RBAK: variants seen among roughly 807,000 people sequenced by gnomAD.
The protein encoded by RBAK is RB associated KRAB zinc finger.
A neutral mutation model predicts 65.8 loss-of-function variants in RBAK; 39 were observed. The observed-to-expected ratio is 0.59, with a 90% confidence interval of 0.46 to 0.77. The LOEUF (loss-of-function observed/expected upper bound fraction) is 0.77. Ranked by LOEUF, RBAK falls within the 30% of genes least tolerant of loss-of-function variation. The pLI, the probability that RBAK is intolerant of heterozygous loss-of-function variation, is 0.00. For synonymous variants in RBAK, 343 were observed against 289.7 expected (o/e 1.18, Z -1.87); for missense variants, 884 against 855.1 (o/e 1.03, Z -0.42).
Position 5,064,368 on chromosome 7 carries a change from C to T in RBAK, c.912C>T (p.Leu304=), listed in dbSNP as rs375269315. 56 of 1,613,920 alleles carry T rather than the reference C, an allele frequency of 3.5e-5. No individual in the cohort carries two copies. In the East Asian group the frequency reaches 1.2e-3, roughly 34 times the overall value. The change falls in exon 5 of 5, where the codon CTC becomes CTT. Residue 304 remains leucine, a synonymous_variant. Transcript: ENST00000396912. The surrounding 1 kb of genome is among the most constrained non-coding windows in gnomAD (Gnocchi z 6.3). ...AATCCTTCAGCCAAAAGGGAACCCTCACTGTACATCGGAGATCACACTTAG... is the reference window on the plus strand; with the variant it reads ...AATCCTTCAGCCAAAAGGGAACCCTTACTGTACATCGGAGATCACACTTAG... ...CGKSFSQKGT[L]TVHRRSHLEE...
intron 2 of RBAK, among the ~76,000 whole-genome samples, chr7:5,049,531 T>C (rs1415585244): frequency 2.0e-5 from 3 of 152,314 alleles, no homozygotes; most frequent in Non-Finnish European, 2.9e-5. Context: ...AGTGATTTCA[T>C]TGCAGTCAAA....
chr7:5,046,840 C>G (rs953291270), intron 1 of RBAK, among the ~76,000 whole-genome samples: 1 of 152,112 alleles, frequency 6.6e-6, no homozygotes, highest in Non-Finnish European at 1.5e-5. Context: ...GAGACTGGGC[C>G]TTAGCAGGTG....
At position 5,048,763 on chromosome 7, in the gene RBAK, A is replaced by T. The variant is rs1441639071; in HGVS notation, c.15+672A>T. 6.6e-6 allele frequency among the ~76,000 whole-genome samples: 1 copy of T among 151,662 alleles called. No individual in the cohort carries two copies. Among genetic ancestry groups the T allele is most frequent in the Non-Finnish European group, 1.5e-5 (1 of 67,862 alleles). ...GGCTCACGCCTGCAGGCTCTATCAT[A>T]GGAAGCATGGCTGGGGAGGCTTCAG... On this transcript the variant is annotated intron_variant, in intron 2 of 4. Transcript: ENST00000396912. This position sits in a 1 kb window ranked among gnomAD's most constrained non-coding sequence, Gnocchi z 4.4.
Position 5,065,667 on chromosome 7 carries a change from A to T in RBAK, c.*66A>T. The T allele has an allele frequency of 8.2e-6, 10 of 1,221,824 alleles. No individual in the cohort carries two copies. The highest frequency in any genetic ancestry group is 1.1e-5 in the Non-Finnish European group (10 of 903,532). 75.7% of individuals were successfully genotyped at this position (1,221,824 alleles called of 1,614,324 possible). ...AATATGGGGAATCCAATAGGAAGTC[A>T]AAGCGTTTATCTGAGAGTTCGTGTT... On this transcript the variant is annotated 3_prime_UTR_variant, in exon 5 of 5. Transcript: ENST00000396912. The surrounding 1 kb of genome is among the most constrained non-coding windows in gnomAD (Gnocchi z 5.3).
In RBAK at chr7:5,058,651, G is replaced by A. The variant is rs1402131276; in HGVS notation, c.238+872G>A. On this transcript the variant is annotated intron_variant, in intron 4 of 4. Coordinates refer to ENST00000396912, the MANE Select transcript of RBAK (RefSeq NM_021163.4). ...ACGCTATAGCACTCCCTCAGCCTTCGTCTCTTTCCCCACTGCTCATGACCC... is the reference window on the plus strand; with the variant it reads ...ACGCTATAGCACTCCCTCAGCCTTCATCTCTTTCCCCACTGCTCATGACCC... Among the ~76,000 whole-genome samples the A allele has an allele frequency of 5.3e-5, 8 of 152,096 alleles. No individual in the cohort carries two copies. In the East Asian group the frequency reaches 5.8e-4, roughly 11 times the overall value.
intron 4 of RBAK, among the ~76,000 whole-genome samples, chr7:5,062,566 G>C (rs1483962672): frequency 6.6e-6 from 1 of 152,158 alleles, no homozygotes; most frequent in Non-Finnish European, 1.5e-5. Context: ...GAAGTTTCAG[G>C]CACCATTGTC....
At position 5,046,303 on chromosome 7, in the gene RBAK, G is replaced by A. The variant is rs376891575; in HGVS notation, c.-138G>A. 3.0e-4 allele frequency: 157 copies of A among 516,522 alleles called. 2 individuals carry two copies. Among genetic ancestry groups the A allele is most frequent in the African/African-American group, 2.7e-3 (143 of 52,030 alleles). 32.0% of individuals were successfully genotyped at this position (516,522 alleles called of 1,614,324 possible). ...CAGAACAACCTTAGTGAGGTGGACA[G>A]GAGGGGACCTCGCGAGCAGACGCGC... is the stretch of plus-strand genomic sequence containing the variant. On this transcript the variant is annotated 5_prime_UTR_variant, in exon 1 of 5. Transcript: ENST00000396912.
At position 5,065,454 on chromosome 7, in the gene RBAK, C is replaced by T; in HGVS notation, c.1998C>T (p.Leu666=). 1 of 1,613,778 alleles carries T rather than the reference C, an allele frequency of 6.2e-7. No homozygotes were observed. The highest frequency in any genetic ancestry group is 8.5e-7 in the Non-Finnish European group (1 of 1,179,698). ...CGKVFSQKSY[L]TVHYRTHSGE... ...AAGTCTTTTCTCAGAAGTCATACCT[C>T]ACTGTACACTATAGAACTCATTCAG... Residue 666 remains leucine, a synonymous_variant, in exon 5 of 5, where the codon CTC becomes CTT. Transcript: ENST00000396912. This position sits in a 1 kb window ranked among gnomAD's most constrained non-coding sequence, Gnocchi z 5.3.
At chr7:5,058,883 C>G (rs772998849) in intron 4 of RBAK, among the ~76,000 whole-genome samples, 2 of 152,116 alleles carry the variant, frequency 1.3e-5, no homozygotes, top group Non-Finnish European at 2.9e-5. Context: ...GACCTTTTTT[C>G]CTGTGTATTT....
chr7:5,047,876 C>T (rs1788029442), intron 1 of RBAK, among the ~76,000 whole-genome samples, 157 bp from the exon 2 acceptor site: 1 of 151,910 alleles, frequency 6.6e-6, no homozygotes. Context: ...ATGGCGAAAC[C>T]CTGTATCACT....
intron 4 of RBAK, among the ~76,000 whole-genome samples, chr7:5,062,785 G>A (rs1195505423): frequency 2.6e-5 from 4 of 152,116 alleles, no homozygotes; most frequent in African/African-American, 9.7e-5. Context: ...TCTTTCCCAG[G>A]GATGTTCTTT....
chr7:5,061,389 T>A (rs904387237), intron 4 of RBAK, among the ~76,000 whole-genome samples: 2 of 152,022 alleles, frequency 1.3e-5, no homozygotes, highest in East Asian at 1.9e-4. Context: ...TAGCTAGTAT[T>A]AAATATGACT....
intron 2 of RBAK, among the ~76,000 whole-genome samples, chr7:5,049,266 A>C (rs1002385043): frequency 2.0e-5 from 3 of 152,228 alleles, no homozygotes; most frequent in East Asian, 1.9e-4. Context: ...AACTTGGTGC[A>C]TATAATTTTT....
At chr7:5,063,622 C>T (rs1779134439) in intron 4 of RBAK, 73 bp from the exon 5 acceptor site, 5 of 1,256,274 alleles carry the variant, frequency 4.0e-6, no homozygotes, top group Non-Finnish European at 5.4e-6. Flanking sequence ...AATGGGGGCT[C>T]TTGAATACCA....
Position 5,048,158 on chromosome 7 carries a change from AG to A in RBAK, c.15+69del. ...TATGATGCATTTTAAGAGGTTTGTA[AG>A]GATTCTTACCTTTTTTTTTTTCTTT... On this transcript the variant is annotated intron_variant, in intron 2 of 4. Transcript: ENST00000396912. The surrounding 1 kb of genome is among the most constrained non-coding windows in gnomAD (Gnocchi z 4.4). 1.3e-6 allele frequency: 2 copies of A among 1,583,906 alleles called. No homozygotes were observed. The highest frequency in any genetic ancestry group is 2.3e-5 in the South Asian group (2 of 86,012).
chr7:5,057,870 A>C, intron 4 of RBAK, 91 bp downstream of exon 4: 1 of 1,346,398 alleles, frequency 7.4e-7, no homozygotes, highest in East Asian at 2.3e-5. Context: ...CAGTACCCTC[A>C]GTAACACCTC....
At chr7:5,056,976 C>T (rs1778933141) in intron 2 of RBAK, 1 of 152,796 alleles carries the variant, frequency 6.5e-6, no homozygotes, top group South Asian at 2.1e-4. Flanking sequence ...CATGGTGTTT[C>T]ACTCATCTCA....
Position 5,064,435 on chromosome 7 carries a change from T to C in RBAK, c.979T>C (p.Cys327Arg). 1 of 1,614,060 alleles carries C rather than the reference T, an allele frequency of 6.2e-7. No homozygotes were observed. Among genetic ancestry groups the C allele is most frequent in the Non-Finnish European group, 8.5e-7 (1 of 1,179,988 alleles). ...YKCNECGKTF[C>R]QKLHLTQHLR... ...ATGTAATGAATGTGGGAAAACCTTT[T>C]GTCAGAAGTTACACCTCACTCAACA... The change falls in exon 5 of 5, where the codon TGT becomes CGT. Residue 327 changes from cysteine to arginine, a missense_variant. Physicochemically the swap from Cys to Arg is radical, Grantham distance 180. Transcript: ENST00000396912. The surrounding 1 kb of genome is among the most constrained non-coding windows in gnomAD (Gnocchi z 6.3).
intron 1 of RBAK, among the ~76,000 whole-genome samples, chr7:5,047,309 G>A (rs1374382261): frequency 2.0e-5 from 3 of 152,162 alleles, no homozygotes; most frequent in Admixed American, 1.3e-4. Context: ...TGAGGTGGGA[G>A]GATCAATGGA....
Sources: gnomAD v4.1 joint callset for allele counts (sites outside exome capture counted in the v4.1 genomes callset) on GRCh38, gnomAD v4.1.1 for gene constraint, Gnocchi (gnomAD v3.1) non-coding constraint, MANE v1.5 for transcripts, NCBI Gene and HGNC (gene_info 2026-07-23, HGNC 2026-07-21) for gene names.